Variants in SPSB3 observed in about 807,000 individuals in gnomAD.
SPSB3 encodes the protein SPRY domain-containing SOCS box protein 3.
SPSB3 carries 18 observed loss-of-function variants against 29.5 expected under a neutral mutation model. The observed-to-expected ratio is 0.61, with a 90% CI of 0.42 to 0.91. SPSB3 has a LOEUF of 0.91. Among genes scored for constraint, SPSB3 ranks in the 40% least tolerant of loss-of-function variants. The pLI is 0.00. For synonymous variants in SPSB3, 299 were observed against 214.1 expected (o/e 1.40, Z -3.46); for missense variants, 540 against 507.5 (o/e 1.06, Z -0.61).
chr16:1,777,667 G>A, intron 6 of SPSB3, 80 bp downstream of exon 6: 2 of 1,575,410 alleles, frequency 1.3e-6, no homozygotes, highest in Non-Finnish European at 1.7e-6. Flanking sequence ...GAAAACCTCA[G>A]TGTCCCCTGG....
In SPSB3 at chr16:1,778,571, C is replaced by A; in HGVS notation, c.168G>T (p.Pro56=). The change falls in exon 3 of 7, where the codon CCG becomes CCT. Residue 56 remains proline (P), a synonymous_variant. Transcript: ENST00000566339. ...SDSDPEYSTL[P]PSIPSAVPVT... is the part of the protein sequence containing the mutation. ...CGGGCACCGCACTGGGGATGGATGG[C>A]GGCAGCGTGGAGTACTCGGGGTCGG... The A allele has an allele frequency of 1.3e-6, 2 of 1,595,952 alleles. No individual in the cohort carries two copies. The highest frequency in any genetic ancestry group is 1.7e-6 in the Non-Finnish European group (2 of 1,168,440).
Position 1,777,726 on chromosome 16 carries a change from C to T in SPSB3, c.721+21G>A, listed in dbSNP as rs534361262. 8.1e-6 allele frequency: 13 copies of T among 1,610,238 alleles called. No individual in the cohort carries two copies. In the South Asian group the frequency reaches 1.2e-4, roughly 15 times the overall value. On this transcript the variant is annotated intron_variant, in intron 6 of 6. Coordinates refer to ENST00000566339, the MANE Select transcript of SPSB3 (RefSeq NM_080861.4). ...CTCGGGGTGACAGCTGAGAGGAGCTCAAGTCCTGTGACGGCCTCACCTATA... is the reference window on the plus strand; with the variant it reads ...CTCGGGGTGACAGCTGAGAGGAGCTTAAGTCCTGTGACGGCCTCACCTATA...
Position 1,777,267 on chromosome 16 carries a change from G to C in SPSB3, c.898C>G (p.Pro300Ala), listed in dbSNP as rs1382345367. Residue 300 changes from proline to alanine, a missense_variant, in exon 7 of 7, where the codon CCG becomes GCG. Coordinates refer to ENST00000566339, the MANE Select transcript of SPSB3 (RefSeq NM_080861.4). ...ACCTGCTTGAGGCCCGGCGGCAGCGGCAGACCCTCCAGCGTGTCTCCCGAG... is the reference window on the plus strand; with the variant it reads ...ACCTGCTTGAGGCCCGGCGGCAGCGCCAGACCCTCCAGCGTGTCTCCCGAG... ...PDSGDTLEGL[P>A]LPPGLKQVLH... 1.2e-6 allele frequency: 2 copies of C among 1,610,356 alleles called. No individual in the cohort carries two copies. Among genetic ancestry groups the C allele is most frequent in the South Asian group, 2.2e-5 (2 of 91,086 alleles).
Position 1,777,371 on chromosome 16 carries a change from A to G in SPSB3, c.794T>C (p.Met265Thr). 1 of 1,603,328 alleles carries G rather than the reference A, an allele frequency of 6.2e-7. No individual in the cohort carries two copies. Among genetic ancestry groups the G allele is most frequent in the African/African-American group, 1.3e-5 (1 of 74,974 alleles). The change falls in exon 7 of 7, where the codon ATG becomes ACG. Residue 265 changes from methionine (M) to threonine (T), a missense_variant. Physicochemically the swap from Met to Thr is moderately conservative, Grantham distance 81 (BLOSUM62 -1). Transcript: ENST00000566339. The stretch of plus-strand genomic sequence containing the variant: ...GCTGGCACAGGAGCGGGTGACCTTC[A>G]TGCTGCTCCGGGCCGCCGTGGAGCA... The part of the protein sequence containing the change: ...MVCSTAARSS[M>T]KVTRSCASAT...
chr16:1,778,719 G>T, intron 2 of SPSB3, 107 bp from the exon 3 acceptor site: 1 of 1,290,934 alleles, frequency 7.7e-7, no homozygotes, highest in Non-Finnish European at 1.0e-6. Flanking sequence ...AGGAAAGGAT[G>T]GGGGTCCAGG....
Position 1,777,152 on chromosome 16 carries a change from T to G in SPSB3, c.1013A>C (p.His338Pro). The G allele has an allele frequency of 6.2e-7, 1 of 1,610,936 alleles. No individual in the cohort carries two copies. Among genetic ancestry groups the G allele is most frequent in the Non-Finnish European group, 8.5e-7 (1 of 1,179,768 alleles). The change falls in exon 7 of 7, where the codon CAC becomes CCC. Residue 338 changes from histidine (H) to proline (P), a missense_variant. By Grantham distance (77) the His-to-Pro change is moderately conservative (BLOSUM62 -2). Transcript: ENST00000566339. ...GGGCCGAGGCTCGCGACTGCTGGGG[T>G]GGGCGGAGGTCGCTGCCTGGGGATC... ...VSDPQAATSA[H>P]PSSREPRPCQ...
At chr16:1,778,736 G>T in intron 2 of SPSB3, 124 bp from the exon 3 acceptor site, 1 of 1,117,634 alleles carries the variant, frequency 8.9e-7, no homozygotes, top group South Asian at 1.7e-5. Context: ...CAGGCCTCCA[G>T]GGACTTCACA....
Position 1,777,805 on chromosome 16 carries a change from G to A in SPSB3, c.663C>T (p.Gly221=), listed in dbSNP as rs112217465. ...SSRFGQGSII[G]VHLDTWHGTL... ...TGCCGTGCCAGGTGTCCAGGTGCACGCCAATGATGGAGCCCTGGCCGAACC... is the reference window on the plus strand; with the variant it reads ...TGCCGTGCCAGGTGTCCAGGTGCACACCAATGATGGAGCCCTGGCCGAACC... Residue 221 remains glycine, a synonymous_variant, in exon 6 of 7, where the codon GGC becomes GGT. Coordinates refer to ENST00000566339, the MANE Select transcript of SPSB3 (RefSeq NM_080861.4). The A allele has an allele frequency of 1.3e-5, 21 of 1,612,880 alleles. No homozygotes were observed. In the African/African-American group the frequency reaches 1.5e-4, roughly 11 times the overall value.
rs150519122 is a variant in SPSB3, at chr16:1,778,746, A to G, written c.127-134T>C. 110 of 983,814 alleles carry G rather than the reference A, an allele frequency of 1.1e-4. 1 individual carries two copies. In the African/African-American group the frequency reaches 1.4e-3, roughly 13 times the overall value. The allele number at this position is 983,814 out of a possible 1,614,324, so 60.9% of individuals were successfully genotyped here. On this transcript the variant is annotated intron_variant, in intron 2 of 6. Transcript: ENST00000566339. ...GGGTCCAGGCCTCCAGGGACTTCAC[A>G]GTACCCCGAGCGCACAGCCCAGGCT...
intron 3 of SPSB3, 47 bp downstream of exon 3, chr16:1,778,388 G>A (rs1248527452): frequency 1.2e-6 from 2 of 1,606,828 alleles, no homozygotes; most frequent in South Asian, 1.1e-5. Context: ...CCCACCCCCA[G>A]GCCCGCCCGC....
In SPSB3 at chr16:1,776,853, C is replaced by T. The variant is rs1432909866; in HGVS notation, c.*244G>A. The T allele has an allele frequency of 1.8e-5, 10 of 549,286 alleles. No homozygotes were observed. Among genetic ancestry groups the T allele is most frequent in the Non-Finnish European group, 3.2e-5 (10 of 312,970 alleles). 34.0% of individuals were successfully genotyped at this position (549,286 alleles called of 1,614,324 possible). ...ACGCGGGCTCCAGCCAGGCTCTCGT[C>T]CTCGCAGCCTCCCACAAGACCTGGG... On this transcript the variant is annotated 3_prime_UTR_variant, in exon 7 of 7. Coordinates refer to ENST00000566339, the MANE Select transcript of SPSB3 (RefSeq NM_080861.4).
intron 2 of SPSB3, 160 bp from the exon 3 acceptor site, chr16:1,778,772 C>T (rs1358083822): frequency 2.7e-6 from 2 of 748,592 alleles, no homozygotes; most frequent in African/African-American, 3.6e-5. Flanking sequence ...AGCCCAGGCT[C>T]CCTCCCAACG....
In SPSB3 at chr16:1,777,360, G is replaced by A. The variant is rs759688272; in HGVS notation, c.805C>T (p.Arg269Cys). The change falls in exon 7 of 7, where the codon CGC (arginine) becomes TGC (cysteine). Residue 269 changes from arginine (R) to cysteine (C), a missense_variant. Transcript: ENST00000566339. The stretch of plus-strand genomic sequence containing the variant: ...AGGGAAGTGGCGCTGGCACAGGAGC[G>A]GGTGACCTTCATGCTGCTCCGGGCC... ...TAARSSMKVT[R>C]SCASATSLQY... The A allele has an allele frequency of 4.4e-6, 7 of 1,605,828 alleles. No individual in the cohort carries two copies. The highest frequency in any genetic ancestry group is 1.3e-5 in the African/African-American group (1 of 74,900).
intron 2 of SPSB3, chr16:1,779,255 G>A (rs1161450519): frequency 6.6e-6 from 1 of 152,446 alleles, no homozygotes; most frequent in Non-Finnish European, 1.5e-5. Context: ...ACCAGAACGT[G>A]AGCTCCTTGT....
At chr16:1,781,664 G>C (rs1331219863) in intron 1 of SPSB3, 169 bp from the exon 2 acceptor site, 5 of 660,594 alleles carry the variant, frequency 7.6e-6, no homozygotes, top group Non-Finnish European at 1.3e-5. Context: ...CAGGATCTGA[G>C]CAGCTCAATA....
chr16:1,778,412 C>T (rs370198184), intron 3 of SPSB3, 23 bp downstream of exon 3: 26 of 1,605,914 alleles, frequency 1.6e-5, no homozygotes, highest in African/African-American at 1.1e-4. Flanking sequence ...GCAGTCCCAG[C>T]AGGGGCTGGG....
chr16:1,777,947 C>G lies in SPSB3; in HGVS notation c.594G>C (p.Thr198=), dbSNP rs373581614. 9 of 1,612,666 alleles carry G rather than the reference C, an allele frequency of 5.6e-6. No individual in the cohort carries two copies. The South Asian group carries it at 9.9e-5, about 18-fold the overall frequency. ...RDEDSWGLSY[T]GLLHHKGDKT... Reference sequence around the variant, plus strand: ...CGCCCCACCCTGGGCCTCACGCACCCGTGTAGGAGAGGCCCCAGCTGTCCT... The same window carrying G: ...CGCCCCACCCTGGGCCTCACGCACCGGTGTAGGAGAGGCCCCAGCTGTCCT... Residue 198 remains threonine (T), a splice_region_variant and synonymous_variant, in exon 5 of 7, where the codon ACG becomes ACC. Coordinates refer to ENST00000566339, the MANE Select transcript of SPSB3 (RefSeq NM_080861.4).
At chr16:1,781,192 C>A (rs933070221) in intron 2 of SPSB3, 166 bp downstream of exon 2, 1 of 1,546,500 alleles carries the variant, frequency 6.5e-7, no homozygotes, top group Non-Finnish European at 8.7e-7. Flanking sequence ...AAGAGTCTTA[C>A]TGAATGCGGT....
chr16:1,777,161 G>A lies in SPSB3; in HGVS notation c.1004C>T (p.Thr335Ile), dbSNP rs2042726183. The change falls in exon 7 of 7, where the codon ACC (threonine) becomes ATC (isoleucine). Residue 335 changes from threonine (T) to isoleucine (I), a missense_variant. By Grantham distance (89) the Thr-to-Ile change is moderately conservative. Coordinates refer to ENST00000566339, the MANE Select transcript of SPSB3 (RefSeq NM_080861.4). ...KAPVSDPQAA[T>I]SAHPSSREPR... ...CTCGCGACTGCTGGGGTGGGCGGAG[G>A]TCGCTGCCTGGGGATCGGACACTGG... 3 of 1,611,148 alleles carry A rather than the reference G, an allele frequency of 1.9e-6. No homozygotes were observed. The highest frequency in any genetic ancestry group is 2.2e-5 in the East Asian group (1 of 44,886).
Sources: gnomAD v4.1 joint callset for allele counts on GRCh38, gnomAD v4.1.1 for gene constraint, MANE v1.5 for transcripts, NCBI Gene and HGNC (gene_info 2026-07-23, HGNC 2026-07-21) for gene names.